The following PAX2 variants were observed in gnomAD, a reference collection of about 807,000 sequenced individuals.
The protein encoded by PAX2 is paired box protein Pax-2.
In PAX2, 9 loss-of-function variants were observed where a neutral mutation model predicts 41.7. That is an observed-to-expected ratio of 0.22 (90% CI 0.13 to 0.38). The LOEUF is 0.38. Among genes scored for constraint, PAX2 ranks in the 10% least tolerant of loss-of-function variants. The probability of loss-of-function intolerance (pLI) is 1.00; values close to 1 mark genes in which losing one functional copy is unlikely to be tolerated. For missense variants in PAX2, 418 were observed against 531.6 expected, an observed-to-expected ratio of 0.79 and a Z score of 2.10; for synonymous variants, 221 against 212.7, an observed-to-expected ratio of 1.04 and a Z score of -0.34.
At chr10:100,803,622 C>T (rs1286230221) in intron 5 of PAX2, among the ~76,000 whole-genome samples, 3 of 152,256 alleles carry the variant, frequency 2.0e-5, no homozygotes, top group African/African-American at 7.2e-5. Flanking sequence ...TGACTGCTGC[C>T]TTCCTTCTCC....
intron 3 of PAX2, among the ~76,000 whole-genome samples, chr10:100,753,554 G>A (rs1432872376): frequency 1.3e-5 from 2 of 152,208 alleles, no homozygotes; most frequent in Non-Finnish European, 2.9e-5. Flanking sequence ...CGGGGAACGG[G>A]TGGTTCTTGA....
chr10:100,769,782 T>C (rs1458550324), intron 3 of PAX2, among the ~76,000 whole-genome samples: 1 of 152,150 alleles, frequency 6.6e-6, no homozygotes, highest in Non-Finnish European at 1.5e-5. Flanking sequence ...CCAGACACCA[T>C]TGCTAGGTGC....
chr10:100,810,723 C>G (rs1847961406), intron 7 of PAX2, among the ~76,000 whole-genome samples: 2 of 152,214 alleles, frequency 1.3e-5, no homozygotes. Flanking sequence ...CATCTGCTGC[C>G]CAGCGCTCAG....
chr10:100,814,972 G>A (rs562289428), intron 7 of PAX2, among the ~76,000 whole-genome samples: 69 of 152,328 alleles, frequency 4.5e-4, no homozygotes, highest in African/African-American at 1.6e-3. Flanking sequence ...GCAGGGACCA[G>A]TGTGAGCAGT....
At chr10:100,814,420 C>T (rs548075003) in intron 7 of PAX2, among the ~76,000 whole-genome samples, 4 of 151,028 alleles carry the variant, frequency 2.6e-5, no homozygotes, top group East Asian at 1.9e-4. Context: ...ATCCAGATCC[C>T]CCAGTCCCTT....
intron 7 of PAX2, among the ~76,000 whole-genome samples, chr10:100,823,811 C>A (rs2133982864): frequency 6.6e-6 from 1 of 152,272 alleles, no homozygotes; most frequent in East Asian, 1.9e-4. Flanking sequence ...CAGTCATGTG[C>A]AGCTGTGTCC....
chr10:100,803,603 C>T (rs1485090117), intron 5 of PAX2, among the ~76,000 whole-genome samples: 1 of 152,152 alleles, frequency 6.6e-6, no homozygotes, highest in Non-Finnish European at 1.5e-5. Flanking sequence ...GCTCCTTCGC[C>T]ATTCATCATG....
At chr10:100,804,112 A>T (rs979945509) in intron 5 of PAX2, among the ~76,000 whole-genome samples, 4 of 152,166 alleles carry the variant, frequency 2.6e-5, no homozygotes, top group Non-Finnish European at 5.9e-5. Context: ...GGGGCAGCAG[A>T]TATCATATAT....
chr10:100,763,439 G>C (rs1845903810), intron 3 of PAX2, among the ~76,000 whole-genome samples: 1 of 152,218 alleles, frequency 6.6e-6, no homozygotes, highest in Non-Finnish European at 1.5e-5. Flanking sequence ...TCATTAGAAA[G>C]CATCTTTGAT....
intron 1 of PAX2, among the ~76,000 whole-genome samples, chr10:100,738,117 C>G (rs1844835760): frequency 6.6e-6 from 1 of 152,242 alleles, no homozygotes; most frequent in Non-Finnish European, 1.5e-5. Flanking sequence ...CCTCTGCCTT[C>G]TGGGGCCCTG....
intron 1 of PAX2, chr10:100,747,762 G>A: frequency 4.1e-6 from 4 of 985,072 alleles, no homozygotes; most frequent in South Asian, 4.7e-5. Context: ...AGGCCTCCGC[G>A]GGTCTCGGCG....
chr10:100,782,645 G>T (rs1846677804), intron 5 of PAX2, among the ~76,000 whole-genome samples: 1 of 152,262 alleles, frequency 6.6e-6, no homozygotes, highest in Non-Finnish European at 1.5e-5. Flanking sequence ...AAGCCCTAAT[G>T]GCCTCGTTTC....
At chr10:100,744,955 G>A (rs542432510), upstream of PAX2, among the ~76,000 whole-genome samples, 22 of 152,332 alleles carry the variant, frequency 1.4e-4, 1 homozygote, top group South Asian at 4.1e-3. Context: ...GGGTGCGTGG[G>A]TGGGAAGGTA....
intron 3 of PAX2, among the ~76,000 whole-genome samples, chr10:100,758,027 G>A (rs1239916690): frequency 1.3e-5 from 2 of 152,134 alleles, no homozygotes; most frequent in Non-Finnish European, 2.9e-5. Context: ...GGAGAAATGA[G>A]GCCCTTTCTT....
intron 3 of PAX2, among the ~76,000 whole-genome samples, chr10:100,774,057 GA>G (rs1846304118): frequency 6.6e-6 from 1 of 152,206 alleles, no homozygotes; most frequent in South Asian, 2.1e-4. Context: ...GAGAGGGACA[GA>G]GAGTGAAACA....
At chr10:100,779,728 C>T (rs565173273) in intron 4 of PAX2, 145 bp downstream of exon 4, 363 of 711,624 alleles carry the variant, frequency 5.1e-4, no homozygotes, top group Non-Finnish European at 7.2e-5. Flanking sequence ...CTCCTGTCCA[C>T]ATAGGGTCTT....
intron 5 of PAX2, among the ~76,000 whole-genome samples, chr10:100,794,691 C>A (rs1161181381): frequency 6.6e-6 from 1 of 152,198 alleles, no homozygotes; most frequent in African/African-American, 2.4e-5. Flanking sequence ...TTGCCACTCT[C>A]CCATCTGGAG....
rs1416848305 is a variant in PAX2, at chr10:100,750,871, C to G, written c.390C>G (p.Pro130=). ...GCATCTGTGACAATGACACAGTGCC[C>G]AGCGTCTCTTCCATCAACAGGTGAG... The part of the protein sequence containing the change: ...AEGICDNDTV[P]SVSSINRIIR... Residue 130 remains proline, a synonymous_variant, in exon 3 of 10, where the codon CCC becomes CCG. Coordinates refer to ENST00000355243, the MANE Select transcript of PAX2 (RefSeq NM_000278.5). This position sits in a 1 kb window ranked among gnomAD's most constrained non-coding sequence, Gnocchi z 4.1. 6.2e-7 allele frequency: 1 copy of G among 1,613,936 alleles called. No homozygotes were observed. The highest frequency in any genetic ancestry group is 1.7e-5 in the Admixed American group (1 of 60,036).
chr10:100,784,181 A>G (rs117802230), intron 5 of PAX2, among the ~76,000 whole-genome samples: 2 of 152,274 alleles, frequency 1.3e-5, no homozygotes, highest in East Asian at 3.9e-4. Flanking sequence ...GGAGATAATT[A>G]TGTGTCAAGA....
Sources: gnomAD v4.1 joint callset for allele counts (sites outside exome capture counted in the v4.1 genomes callset) on GRCh38, gnomAD v4.1.1 for gene constraint, Gnocchi (gnomAD v3.1) non-coding constraint, MANE v1.5 for transcripts, NCBI Gene and HGNC (gene_info 2026-07-23, HGNC 2026-07-21) for gene names.